SHPRH: variants seen among roughly 807,000 people sequenced by gnomAD.
SHPRH encodes the protein SNF2 histone linker PHD RING helicase.
Under a neutral mutation model 202.5 loss-of-function variants are expected in SHPRH, and 106 were observed. The observed-to-expected ratio is 0.52, with a 90% CI of 0.45 to 0.62. The LOEUF is 0.62. Among genes scored for constraint, SHPRH ranks in the 20% least tolerant of loss-of-function variants. SHPRH has a pLI of 0.00. For missense variants in SHPRH, 1,710 were observed against 2,020.0 expected, an observed-to-expected ratio of 0.85 and a Z score of 2.94; for synonymous variants, 729 against 686.0, an observed-to-expected ratio of 1.06 and a Z score of -0.98.
intron 2 of SHPRH, among the ~76,000 whole-genome samples, chr6:145,867,631 T>TATATATATATATAGAGAGAG (rs1554220329): frequency 2.2e-4 from 5 of 22,316 alleles, no homozygotes; most frequent in Admixed American, 6.6e-4. Flanking sequence ...TATATATATA[T>TATATATATATATAGAGAGAG]AGAGAGAGAG....
intron 25 of SHPRH, among the ~76,000 whole-genome samples, chr6:145,900,741 T>TTAA (rs2128723615): frequency 6.6e-6 from 1 of 152,292 alleles, no homozygotes; most frequent in South Asian, 2.1e-4. Flanking sequence ...TCTGTATACT[T>TTAA]TAAAATCATC....
At position 145,927,379 on chromosome 6, in the gene SHPRH, AATGATT is replaced by A. The variant is rs1784975639; in HGVS notation, c.3113-108_3113-103del. The A allele has an allele frequency of 9.4e-6, 10 of 1,064,474 alleles. No individual in the cohort carries two copies. The East Asian group carries it at 1.0e-4, about 11-fold the overall frequency. The allele number at this position is 1,064,474 out of a possible 1,614,324, so 65.9% of individuals were successfully genotyped here. A position where few individuals can be genotyped will look rare whatever the true frequency, so the allele number is the denominator to read the frequency against. On this transcript the variant is annotated intron_variant, in intron 14 of 29. Transcript: ENST00000275233. Reference sequence around the variant, plus strand: ...TAAGAATACTGTAAAAATAAAATGTAATGATTATAACTTTTTTTAAGTAAAGAAATT... The same window carrying A: ...TAAGAATACTGTAAAAATAAAATGTAATAACTTTTTTTAAGTAAAGAAATT...
chr6:145,926,030 G>A (rs898246254), intron 16 of SHPRH, among the ~76,000 whole-genome samples, 174 bp downstream of exon 16: 1 of 151,808 alleles, frequency 6.6e-6, no homozygotes, highest in African/African-American at 2.4e-5. Context: ...CAAATAATAC[G>A]TACTGCTGCC....
At chr6:145,913,656 A>G (rs2128740858) in intron 23 of SHPRH, 107 bp from the exon 24 acceptor site, 2 of 772,840 alleles carry the variant, frequency 2.6e-6, no homozygotes, top group East Asian at 2.8e-5. Context: ...ATTACAATTT[A>G]CATAATCTAA....
At chr6:145,942,556 A>C (rs2128781393) in intron 9 of SHPRH, among the ~76,000 whole-genome samples, 1 of 152,338 alleles carries the variant, frequency 6.6e-6, no homozygotes, top group South Asian at 2.1e-4. Flanking sequence ...GCATGGAAAG[A>C]AGGAAGAATG....
At chr6:145,913,853 A>G (rs531511004) in intron 23 of SHPRH, among the ~76,000 whole-genome samples, 2 of 152,286 alleles carry the variant, frequency 1.3e-5, no homozygotes, top group South Asian at 4.1e-4. Context: ...GAGTGCTGAC[A>G]TGACAATCAA....
chr6:145,943,723 G>A lies in SHPRH; in HGVS notation c.1658C>T (p.Ser553Leu). 6.2e-7 allele frequency: 1 copy of A among 1,611,758 alleles called. No homozygotes were observed. Reference sequence around the variant, plus strand: ...ATCATCATCATCATCAGAGGTGTCTGATGGCAAGTATTCAGAATCTGTGTC... The same window carrying A: ...ATCATCATCATCATCAGAGGTGTCTAATGGCAAGTATTCAGAATCTGTGTC... Reference protein sequence around the residue: ...NKDTDSEYLPSDTSDDDDDPY... With the variant: ...NKDTDSEYLPLDTSDDDDDPY... The change falls in exon 9 of 30, where the codon TCA becomes TTA. Residue 553 changes from serine (S) to leucine (L), a missense_variant. Transcript: ENST00000275233.
chr6:145,905,225 G>C (rs117060829), intron 25 of SHPRH: 1 of 152,282 alleles, frequency 6.6e-6, no homozygotes, highest in African/African-American at 2.4e-5. Flanking sequence ...CAGAGGAAGA[G>C]AAAGAAGAGA....
At chr6:145,895,850 G>A in intron 25 of SHPRH, among the ~76,000 whole-genome samples, 1 of 151,990 alleles carries the variant, frequency 6.6e-6, no homozygotes, top group Admixed American at 6.6e-5. Context: ...TCCAAAGGTG[G>A]CTGTGATGAT....
intron 14 of SHPRH, among the ~76,000 whole-genome samples, chr6:145,930,849 G>A (rs891470463): frequency 3.9e-5 from 6 of 152,008 alleles, no homozygotes; most frequent in Non-Finnish European, 5.9e-5. Context: ...TTTATTTCTC[G>A]TTATAATTCT....
intron 14 of SHPRH, among the ~76,000 whole-genome samples, chr6:145,929,694 A>G (rs1270586654): frequency 6.6e-6 from 1 of 152,050 alleles, no homozygotes; most frequent in East Asian, 1.9e-4. Flanking sequence ...TCAACAATAC[A>G]CTGCTAGCTA....
chr6:145,883,720 A>G (rs1780757717), downstream of SHPRH: 1 of 152,194 alleles, frequency 6.6e-6, no homozygotes, highest in Non-Finnish European at 1.5e-5. Flanking sequence ...ACAGGCTTAA[A>G]ATGCATTGCT....
At chr6:145,962,797 G>C (rs534364922) in intron 1 of SHPRH, among the ~76,000 whole-genome samples, 1 of 152,238 alleles carries the variant, frequency 6.6e-6, no homozygotes, top group South Asian at 2.1e-4. Context: ...CTAAGTACTA[G>C]GAAGCTCTTA....
intron 29 of SHPRH, 62 bp from the exon 30 acceptor site, chr6:145,886,849 T>A: frequency 6.4e-7 from 1 of 1,559,008 alleles, no homozygotes; most frequent in East Asian, 2.3e-5. Flanking sequence ...CGATTATATT[T>A]GTAGTAATAC....
intron 7 of SHPRH, 64 bp downstream of exon 7, chr6:145,946,169 A>G (rs1404563700): frequency 1.7e-6 from 2 of 1,185,302 alleles, no homozygotes; most frequent in African/African-American, 3.1e-5. Flanking sequence ...ATCTCTAAGG[A>G]TTGCAAGAAC....
chr6:145,908,481 A>G (rs1432903329), intron 25 of SHPRH: 1 of 152,112 alleles, frequency 6.6e-6, no homozygotes, highest in South Asian at 2.1e-4. Context: ...ATGGTATCTC[A>G]TTGTGGTTCT....
intron 24 of SHPRH, among the ~76,000 whole-genome samples, chr6:145,911,590 A>G (rs1266333633): frequency 1.3e-5 from 2 of 152,304 alleles, no homozygotes; most frequent in Admixed American, 1.3e-4. Context: ...CATCTTACAA[A>G]TGTAGTTTTA....
intron 10 of SHPRH, 41 bp downstream of exon 10, chr6:145,941,582 C>G (rs1389296532): frequency 1.2e-6 from 2 of 1,606,438 alleles, no homozygotes; most frequent in African/African-American, 1.3e-5. Flanking sequence ...CCTTTTCACC[C>G]TTCTTCCCCA....
At chr6:145,864,182 A>G (rs1300593509), downstream of SHPRH, 3 of 194,366 alleles carry the variant, frequency 1.5e-5, no homozygotes, top group East Asian at 1.4e-4. Context: ...TCTATCATCT[A>G]TATTCTCACT....
Sources: allele counts gnomAD v4.1 joint callset (sites outside exome capture counted in the v4.1 genomes callset), GRCh38; gene constraint gnomAD v4.1.1; transcripts MANE v1.5; gene names NCBI Gene and HGNC (gene_info 2026-07-23, HGNC 2026-07-21).